The following POLK variants were observed in gnomAD, a reference collection of about 807,000 sequenced individuals.
POLK encodes DNA polymerase kappa.
Under a neutral mutation model 94.0 loss-of-function variants are expected in POLK, and 76 were observed. The ratio of observed to expected loss-of-function variants is 0.81; its 90% CI spans 0.67 to 0.98. The LOEUF (loss-of-function observed/expected upper bound fraction) is 0.98. Ranked by LOEUF, POLK falls within the 50% of genes least tolerant of loss-of-function variation. The pLI, the probability that POLK is intolerant of heterozygous loss-of-function variation, is 0.00. For synonymous variants in POLK, 349 were observed against 325.4 expected (o/e 1.07, Z -0.78); for missense variants, 954 against 1,010.1 (o/e 0.94, Z 0.75).
At chr5:75,584,818 G>T (rs776047465) in exon 9 of POLK, 2 of 1,598,264 alleles carry the variant, frequency 1.3e-6, no homozygotes, top group East Asian at 2.2e-5. Context: ...ATTATTACAT[G>T]TACAGAACTT....
At chr5:75,535,644 G>A (rs185720716) in intron 1 of POLK, among the ~76,000 whole-genome samples, 9 of 152,196 alleles carry the variant, frequency 5.9e-5, no homozygotes, top group African/African-American at 2.2e-4. Flanking sequence ...GTTTTGTTCA[G>A]TCTTCTTTAT....
chr5:75,550,908 C>T (rs1278735671), intron 2 of POLK, among the ~76,000 whole-genome samples: 2 of 152,024 alleles, frequency 1.3e-5, no homozygotes, highest in Admixed American at 6.6e-5. Flanking sequence ...CAGTTCTAAC[C>T]AGTGCAGTCA....
intron 1 of POLK, among the ~76,000 whole-genome samples, chr5:75,544,337 C>T (rs192490143): frequency 2.2e-3 from 335 of 152,202 alleles, no homozygotes; most frequent in Non-Finnish European, 2.9e-3. Flanking sequence ...GCCTGGGCAA[C>T]CCACCCCTGT....
rs1393047577 is a variant in POLK at position 75,539,146 on chromosome 5, CT to C, written c.-13-7859del. 5.9e-5 allele frequency among the ~76,000 whole-genome samples: 9 copies of C among 152,144 alleles called. No individual in the cohort carries two copies. In the East Asian group the frequency reaches 1.5e-3, roughly 26 times the overall value. ...CTGTCAGTATTTTAAAAGTAAGGCT[CT>C]TTTTAACATTGTGCTCTTAAAAGAA... is the stretch of plus-strand genomic sequence containing the variant. On this transcript the variant is annotated intron_variant, in intron 1 of 14. Coordinates refer to ENST00000241436, the Ensembl canonical transcript of POLK.
chr5:75,602,612 A>C (rs1385288948), downstream of POLK, among the ~76,000 whole-genome samples: 1 of 152,224 alleles, frequency 6.6e-6, no homozygotes, highest in Non-Finnish European at 1.5e-5. Context: ...CCTCACTTGA[A>C]TAATGCAGAG....
rs151168482 is a variant in POLK, at chr5:75,558,886, A to G, written c.255+6295A>G. On this transcript the variant is annotated intron_variant, in intron 3 of 14. Coordinates refer to ENST00000241436, the Ensembl canonical transcript of POLK. ...TGATGCTAACAACTGTTAGCTATTC[A>G]TACTATTTTTAAAGCTCATATCCTT... Among the ~76,000 whole-genome samples, 335 of 152,312 alleles carry G rather than the reference A, an allele frequency of 2.2e-3. 5 individuals carry two copies. The highest frequency in any genetic ancestry group is 0.019 in the Admixed American group (292 of 15,296).
At chr5:75,577,298 C>G (rs909939501) in intron 6 of POLK, among the ~76,000 whole-genome samples, 7 of 152,152 alleles carry the variant, frequency 4.6e-5, no homozygotes, top group African/African-American at 1.7e-4. Flanking sequence ...TTAGAAAAGA[C>G]TAGCCTCAAA....
chr5:75,556,418 T>C (rs76952796), intron 3 of POLK, among the ~76,000 whole-genome samples: 64 of 152,368 alleles, frequency 4.2e-4, no homozygotes, highest in African/African-American at 1.5e-3. Context: ...AACAGACCTG[T>C]ATCAGATATG....
At chr5:75,547,205 CTTTCTG>C in intron 2 of POLK, 48 bp downstream of exon 2, 1 of 998,276 alleles carries the variant, frequency 1.0e-6, no homozygotes, top group East Asian at 2.9e-5. Flanking sequence ...GACCTTTTAA[CTTTCTG>C]TTTCAAAGAA....
intron 1 of POLK, among the ~76,000 whole-genome samples, chr5:75,532,061 C>T (rs1157196520): frequency 1.3e-5 from 2 of 152,154 alleles, no homozygotes; most frequent in African/African-American, 4.8e-5. Flanking sequence ...ATGGAAGTCC[C>T]ATTCCATTAT....
intron 4 of POLK, among the ~76,000 whole-genome samples, chr5:75,573,312 A>G (rs1050524528): frequency 5.3e-5 from 8 of 152,082 alleles, no homozygotes; most frequent in Admixed American, 6.6e-5. Context: ...GAATTGAACA[A>G]CGAGAACACG....
chr5:75,535,501 A>G (rs962790395), intron 1 of POLK, among the ~76,000 whole-genome samples: 14 of 152,126 alleles, frequency 9.2e-5, no homozygotes, highest in Admixed American at 6.5e-5. Flanking sequence ...CCTCTCTAGC[A>G]AAGTTCATGA....
intron 1 of POLK, among the ~76,000 whole-genome samples, chr5:75,515,941 A>T (rs1238484219): frequency 6.6e-6 from 1 of 152,188 alleles, no homozygotes; most frequent in South Asian, 2.1e-4. Context: ...GGGTAAGATG[A>T]TAGCTCATTG....
the POLK span, among the ~76,000 whole-genome samples, chr5:75,606,634 G>A: frequency 6.7e-6 from 1 of 150,170 alleles, no homozygotes; most frequent in Non-Finnish European, 1.5e-5. Flanking sequence ...ACTCTGAGTT[G>A]ACACAGCACA....
intron 1 of POLK, among the ~76,000 whole-genome samples, chr5:75,545,537 G>T (rs1245313408): frequency 2.6e-5 from 4 of 152,062 alleles, no homozygotes; most frequent in African/African-American, 9.7e-5. Flanking sequence ...GATCTGTTTT[G>T]CATGGTTGTA....
downstream of POLK, among the ~76,000 whole-genome samples, chr5:75,605,244 A>T (rs754719434): frequency 9.9e-5 from 15 of 151,938 alleles, no homozygotes; most frequent in Admixed American, 2.6e-4. Flanking sequence ...TTCTTTTATC[A>T]GGTTCTTATC....
chr5:75,524,004 C>T (rs1768712351), intron 1 of POLK, among the ~76,000 whole-genome samples: 1 of 152,024 alleles, frequency 6.6e-6, no homozygotes, highest in Admixed American at 6.6e-5. Context: ...CTGGCGGGCA[C>T]CTGTAATCCC....
intron 1 of POLK, among the ~76,000 whole-genome samples, chr5:75,522,427 G>A (rs1203061685): frequency 6.6e-6 from 1 of 152,100 alleles, no homozygotes; most frequent in Non-Finnish European, 1.5e-5. Context: ...GTTTTCTCTA[G>A]TGAGGGAATG....
chr5:75,577,503 G>A (rs1771957445), intron 6 of POLK, among the ~76,000 whole-genome samples: 1 of 151,974 alleles, frequency 6.6e-6, no homozygotes, highest in African/African-American at 2.4e-5. Flanking sequence ...CTATCCAAAA[G>A]CAATGCCAAG....
Sources: gnomAD v4.1 joint callset for allele counts (sites outside exome capture counted in the v4.1 genomes callset) on GRCh38, gnomAD v4.1.1 for gene constraint, MANE v1.5 for transcripts, NCBI Gene and HGNC (gene_info 2026-07-23, HGNC 2026-07-21) for gene names.